The following DACH2 variants were observed in gnomAD, a reference collection of about 807,000 sequenced individuals.
DACH2 encodes dachshund homolog 2.
Under a neutral mutation model 35.8 loss-of-function variants are expected in DACH2, and 17 were observed. The ratio of observed to expected loss-of-function variants is 0.48; its 90% CI spans 0.33 to 0.71. The LOEUF is 0.71. Ranked by LOEUF, DACH2 falls within the 30% of genes least tolerant of loss-of-function variation. The pLI is 0.02. For missense variants in DACH2, 469 were observed against 472.7 expected (o/e 0.99, Z 0.07); for synonymous variants, 195 against 177.3 (o/e 1.10, Z -0.79).
intron 3 of DACH2, among the ~76,000 whole-genome samples, chrX:86,525,760 C>T (rs928126456): frequency 9.0e-6 from 1 of 111,147 alleles, no homozygotes; most frequent in African/African-American, 3.3e-5. Flanking sequence ...TCCCACAGTG[C>T]CCTGCTTTCC....
intron 1 of DACH2, among the ~76,000 whole-genome samples, chrX:86,361,224 G>T (rs1318782755): frequency 9.0e-6 from 1 of 111,229 alleles, no homozygotes; most frequent in Non-Finnish European, 1.9e-5. Context: ...GTTTTGAATG[G>T]AGTGTTTAAG....
chrX:86,720,959 G>A (rs1001341111), intron 6 of DACH2, among the ~76,000 whole-genome samples: 1 of 112,438 alleles, frequency 8.9e-6, no homozygotes, highest in Non-Finnish European at 1.9e-5. Flanking sequence ...AAGCCACCAG[G>A]GCTTGGGGCT....
At chrX:86,738,875 A>T (rs1178140512) in intron 6 of DACH2, among the ~76,000 whole-genome samples, 1 of 111,554 alleles carries the variant, frequency 9.0e-6, no homozygotes, top group Non-Finnish European at 1.9e-5. Flanking sequence ...CTATTAAAAT[A>T]TGTATACTTT....
Position 86,164,938 on chromosome X carries a change from A to G in DACH2, c.488+15830A>G, listed in dbSNP as rs184238656. Among the ~76,000 whole-genome samples, 532 of 96,034 alleles carry G rather than the reference A, an allele frequency of 5.5e-3. 4 individuals carry two copies. Among genetic ancestry groups the G allele is most frequent in the African/African-American group, 0.021 (503 of 23,478 alleles). 83.4% of individuals were successfully genotyped at this position (96,034 alleles called of 115,157 possible). ...TTGGGCTCCTTTTTGGTTCTATATA[A>G]ATTTTAAAATAGTTTTTTTTTCTAG... On this transcript the variant is annotated intron_variant, in intron 1 of 11. Coordinates refer to ENST00000373125, the MANE Select transcript of DACH2 (RefSeq NM_053281.3).
At chrX:86,694,578 A>C (rs1267335030) in intron 4 of DACH2, among the ~76,000 whole-genome samples, 1 of 112,315 alleles carries the variant, frequency 8.9e-6, no homozygotes, top group Non-Finnish European at 1.9e-5. Flanking sequence ...TGAGAAGAAA[A>C]GATCATTTTG....
intron 7 of DACH2, among the ~76,000 whole-genome samples, chrX:86,806,926 G>C (rs1389635197): frequency 8.9e-6 from 1 of 111,787 alleles, no homozygotes; most frequent in South Asian, 3.8e-4. Context: ...GATCGGGGGT[G>C]AAGGGCTTTC....
chrX:86,419,717 G>T (rs181319272), intron 2 of DACH2, among the ~76,000 whole-genome samples: 8 of 111,734 alleles, frequency 7.2e-5, no homozygotes, highest in African/African-American at 2.0e-4. Context: ...TTGCTGTTGT[G>T]AGGGGATTAT....
chrX:86,465,613 G>C (rs2037653062), intron 2 of DACH2, among the ~76,000 whole-genome samples: 1 of 111,961 alleles, frequency 8.9e-6, no homozygotes, highest in African/African-American at 3.2e-5. Flanking sequence ...GCTTTTAAAA[G>C]ATGGCTCAGA....
intron 2 of DACH2, among the ~76,000 whole-genome samples, chrX:86,394,950 A>C (rs771206745): frequency 8.9e-6 from 1 of 111,873 alleles, no homozygotes; most frequent in Non-Finnish European, 1.9e-5. Flanking sequence ...AAAGTGTTTT[A>C]TATTTGCAAT....
chrX:86,243,092 T>G (rs1295216565), intron 1 of DACH2, among the ~76,000 whole-genome samples: 2 of 111,810 alleles, frequency 1.8e-5, no homozygotes, highest in Admixed American at 1.9e-4. Context: ...CAGAGTAGTA[T>G]TATTTTACTT....
intron 2 of DACH2, among the ~76,000 whole-genome samples, chrX:86,472,660 CA>C (rs1394237142): frequency 2.7e-5 from 3 of 111,549 alleles, no homozygotes; most frequent in African/African-American, 9.7e-5. Flanking sequence ...TGATGAGTAC[CA>C]ATAGTTATTA....
intron 3 of DACH2, among the ~76,000 whole-genome samples, chrX:86,519,214 G>A (rs186861645): frequency 2.7e-5 from 3 of 112,195 alleles, no homozygotes; most frequent in African/African-American, 9.7e-5. Context: ...ATTTCAATAT[G>A]TTGAACCAAC....
At chrX:86,480,282 G>C (rs1471715841) in intron 2 of DACH2, among the ~76,000 whole-genome samples, 1 of 112,135 alleles carries the variant, frequency 8.9e-6, no homozygotes, top group Non-Finnish European at 1.9e-5. Context: ...TCACTTACCA[G>C]GCAGAGACTC....
At chrX:86,325,735 T>C (rs9887381) in intron 1 of DACH2, among the ~76,000 whole-genome samples, 21,456 of 110,815 alleles carry the variant, frequency 0.19, 2,494 homozygotes, top group African/African-American at 0.43. Context: ...GAAGTGCCGT[T>C]ATTGTGGAGT....
chrX:86,400,169 G>T (rs759290090), intron 2 of DACH2, among the ~76,000 whole-genome samples: 2 of 111,261 alleles, frequency 1.8e-5, no homozygotes, highest in African/African-American at 6.6e-5. Flanking sequence ...CCAGTTGATC[G>T]CATCGGCTAC....
At chrX:86,522,301 T>A (rs1338913100) in intron 3 of DACH2, among the ~76,000 whole-genome samples, 2 of 111,373 alleles carry the variant, frequency 1.8e-5, no homozygotes, top group Non-Finnish European at 3.8e-5. Flanking sequence ...TATTTTGGGG[T>A]TATTTAGGTA....
In DACH2 at chrX:86,389,529, C is replaced by A. The variant is rs192671889; in HGVS notation, c.527+12667C>A. Reference sequence around the variant, plus strand: ...AGTTAAATGATAAATTAGGCATGAACTGCTTTAATCTGTAAACTGAACATG... The same window carrying A: ...AGTTAAATGATAAATTAGGCATGAAATGCTTTAATCTGTAAACTGAACATG... On this transcript the variant is annotated intron_variant, in intron 2 of 11. Coordinates refer to ENST00000373125, the MANE Select transcript of DACH2 (RefSeq NM_053281.3). Among the ~76,000 whole-genome samples the A allele has an allele frequency of 2.3e-3, 260 of 112,155 alleles. 1 individual carries two copies. The highest frequency in any genetic ancestry group is 8.3e-3 in the African/African-American group (256 of 30,909).
intron 1 of DACH2, among the ~76,000 whole-genome samples, chrX:86,295,523 C>G (rs2034432617): frequency 1.8e-5 from 2 of 111,722 alleles, no homozygotes; most frequent in South Asian, 3.8e-4. Flanking sequence ...TGTTGACTGT[C>G]TTTCAAGTTT....
chrX:86,670,822 A>T (rs900575004), intron 4 of DACH2, among the ~76,000 whole-genome samples: 13 of 112,081 alleles, frequency 1.2e-4, no homozygotes, highest in Non-Finnish European at 2.1e-4. Context: ...TCTTTTTAAA[A>T]TCTATAGCAT....
Sources: allele counts gnomAD v4.1 joint callset (sites outside exome capture counted in the v4.1 genomes callset), GRCh38; gene constraint gnomAD v4.1.1; transcripts MANE v1.5; gene names NCBI Gene and HGNC (gene_info 2026-07-23, HGNC 2026-07-21).